MAMDC2: variants seen among roughly 807,000 people sequenced by gnomAD.
MAMDC2 encodes MAM domain containing 2, also known as MAM domain-containing protein 2.
MAMDC2 carries 57 observed loss-of-function variants against 89.8 expected under a neutral mutation model. That is an observed-to-expected ratio of 0.63 (90% CI 0.51 to 0.79). MAMDC2 has a LOEUF of 0.79. Among genes scored for constraint, MAMDC2 ranks in the 30% least tolerant of loss-of-function variants. MAMDC2 has a pLI of 0.00. For missense variants in MAMDC2, 800 were observed against 820.6 expected (o/e 0.97, Z 0.31); for synonymous variants, 313 against 293.4 (o/e 1.07, Z -0.68).
At chr9:70,179,387 G>A (rs1157612971) in intron 11 of MAMDC2, among the ~76,000 whole-genome samples, 1 of 151,828 alleles carries the variant, frequency 6.6e-6, no homozygotes, top group Non-Finnish European at 1.5e-5. Flanking sequence ...AGCTGGGTGT[G>A]GTGGCGGGTG....
intron 2 of MAMDC2, among the ~76,000 whole-genome samples, chr9:70,097,288 A>AT (rs1828053914): frequency 6.6e-6 from 1 of 152,076 alleles, no homozygotes; most frequent in Non-Finnish European, 1.5e-5. Flanking sequence ...AGAGGAGCAA[A>AT]TTTTTTCTTA....
intron 5 of MAMDC2, among the ~76,000 whole-genome samples, chr9:70,119,427 A>G (rs1432729610): frequency 6.6e-6 from 1 of 152,180 alleles, no homozygotes; most frequent in African/African-American, 2.4e-5. Context: ...TCATTTTAAC[A>G]GGACTTATTT....
At chr9:70,124,120 C>T (rs2030416361) in intron 5 of MAMDC2, among the ~76,000 whole-genome samples, 1 of 152,184 alleles carries the variant, frequency 6.6e-6, no homozygotes, top group Non-Finnish European at 1.5e-5. Flanking sequence ...GTAGACCCTG[C>T]TCTCTCAGGG....
chr9:70,150,917 G>A (rs1164064278), intron 9 of MAMDC2, among the ~76,000 whole-genome samples: 1 of 152,170 alleles, frequency 6.6e-6, no homozygotes, highest in African/African-American at 2.4e-5. Flanking sequence ...CCTCCCCTGC[G>A]TGAAACTGTT....
Position 70,044,597 on chromosome 9 carries a change from C to T in MAMDC2, c.48C>T (p.Ala16=), listed in dbSNP as rs1289321556. The change falls in exon 2 of 14, where the codon GCC becomes GCT. Residue 16 remains alanine (A), a synonymous_variant. Coordinates refer to ENST00000377182, the MANE Select transcript of MAMDC2 (RefSeq NM_153267.5). ...VLLALQALQL[A]GALDLPAGSC... Reference sequence around the variant, plus strand: ...TTGTGCCCGCAGCCCTGCAGCTCGCCGGTGCCCTCGACCTGCCCGCTGGGT... The same window carrying T: ...TTGTGCCCGCAGCCCTGCAGCTCGCTGGTGCCCTCGACCTGCCCGCTGGGT... 4 of 1,550,130 alleles carry T rather than the reference C, an allele frequency of 2.6e-6. No homozygotes were observed. The African/African-American group carries it at 4.1e-5, about 16-fold the overall frequency.
intron 2 of MAMDC2, among the ~76,000 whole-genome samples, chr9:70,076,292 G>C (rs1827532013): frequency 6.6e-6 from 1 of 152,076 alleles, no homozygotes; most frequent in South Asian, 2.1e-4. Context: ...GTGGTGGCAG[G>C]CACCTGTAGT....
At chr9:70,195,548 G>A (rs1587559883) in intron 11 of MAMDC2, among the ~76,000 whole-genome samples, 1 of 152,082 alleles carries the variant, frequency 6.6e-6, no homozygotes, top group Non-Finnish European at 1.5e-5. Flanking sequence ...TTTAAATTGA[G>A]TGCAGTTCTG....
intron 9 of MAMDC2, among the ~76,000 whole-genome samples, chr9:70,154,763 C>T (rs2031697101): frequency 6.6e-6 from 1 of 152,106 alleles, no homozygotes; most frequent in Non-Finnish European, 1.5e-5. Context: ...CCTCCCACCT[C>T]AGCCTCCCAA....
At chr9:70,110,037 T>C (rs1384106532) in intron 4 of MAMDC2, among the ~76,000 whole-genome samples, 2 of 152,234 alleles carry the variant, frequency 1.3e-5, no homozygotes, top group African/African-American at 4.8e-5. Flanking sequence ...GAAAGAAATA[T>C]AGATGCAGGA....
At chr9:70,195,136 C>T (rs986881570) in intron 11 of MAMDC2, among the ~76,000 whole-genome samples, 2 of 151,846 alleles carry the variant, frequency 1.3e-5, no homozygotes, top group Non-Finnish European at 2.9e-5. Flanking sequence ...AATAATAGTA[C>T]AAATATGGAC....
intron 11 of MAMDC2, among the ~76,000 whole-genome samples, chr9:70,175,011 C>T (rs1322689100): frequency 6.6e-6 from 1 of 152,150 alleles, no homozygotes; most frequent in Non-Finnish European, 1.5e-5. Flanking sequence ...TAGGCATGAG[C>T]CACTGTGCCC....
intron 2 of MAMDC2, among the ~76,000 whole-genome samples, chr9:70,101,551 G>A (rs1268687655): frequency 6.6e-6 from 1 of 151,984 alleles, no homozygotes; most frequent in East Asian, 1.9e-4. Context: ...ACTATATCTT[G>A]TCTATGTTTA....
intron 7 of MAMDC2, among the ~76,000 whole-genome samples, chr9:70,132,373 A>G (rs1202817137): frequency 9.9e-5 from 15 of 152,196 alleles, no homozygotes; most frequent in Non-Finnish European, 8.8e-5. Context: ...CAAGGGAGAC[A>G]TTATGGTCAC....
chr9:70,061,059 C>A (rs1306539885), intron 2 of MAMDC2, among the ~76,000 whole-genome samples: 1 of 152,154 alleles, frequency 6.6e-6, no homozygotes, highest in Non-Finnish European at 1.5e-5. Context: ...TGCAAATGCA[C>A]AGTGTGTTGC....
At chr9:70,166,429 T>A (rs992858758) in intron 9 of MAMDC2, among the ~76,000 whole-genome samples, 16 of 151,918 alleles carry the variant, frequency 1.1e-4, no homozygotes, top group Non-Finnish European at 2.2e-4. Context: ...ATAATTGTTG[T>A]AAATTTGGTA....
intron 11 of MAMDC2, among the ~76,000 whole-genome samples, chr9:70,217,895 T>G (rs2033479409): frequency 6.6e-6 from 1 of 152,208 alleles, no homozygotes; most frequent in Non-Finnish European, 1.5e-5. Flanking sequence ...GAATGTAAGT[T>G]TAGAGATTAT....
intron 2 of MAMDC2, among the ~76,000 whole-genome samples, chr9:70,093,345 G>A (rs1193631901): frequency 6.6e-6 from 1 of 151,952 alleles, no homozygotes; most frequent in Non-Finnish European, 1.5e-5. Context: ...TACACCTGGG[G>A]AACTTGCAGG....
At chr9:70,144,605 C>T (rs536415709) in intron 9 of MAMDC2, among the ~76,000 whole-genome samples, 2 of 152,146 alleles carry the variant, frequency 1.3e-5, no homozygotes, top group Admixed American at 6.6e-5. Flanking sequence ...AGAAAGGGTC[C>T]CAAAGAAAAA....
At chr9:70,183,260 A>G (rs893586309) in intron 11 of MAMDC2, among the ~76,000 whole-genome samples, 3 of 152,188 alleles carry the variant, frequency 2.0e-5, no homozygotes, top group African/African-American at 4.8e-5. Context: ...GGAGTGTTTT[A>G]CTTCCAATTA....
Sources: allele counts gnomAD v4.1 joint callset (sites outside exome capture counted in the v4.1 genomes callset), GRCh38; gene constraint gnomAD v4.1.1; transcripts MANE v1.5; gene names NCBI Gene and HGNC (gene_info 2026-07-23, HGNC 2026-07-21).